Variants in FAM241A observed in about 807,000 individuals in gnomAD.
The protein encoded by FAM241A is uncharacterized protein FAM241A.
FAM241A carries 7 observed loss-of-function variants against 12.2 expected under a neutral mutation model. The ratio of observed to expected loss-of-function variants is 0.58; its 90% CI spans 0.33 to 1.08. FAM241A has a LOEUF of 1.08. FAM241A is among the 50% of genes least tolerant of loss of function. The pLI is 0.04. For missense variants in FAM241A, 161 were observed against 169.7 expected, an observed-to-expected ratio of 0.95 and a Z score of 0.29; for synonymous variants, 74 against 68.2, an observed-to-expected ratio of 1.08 and a Z score of -0.42.
In FAM241A at chr4:112,187,018, C is replaced by T. The variant is rs1578381274; in HGVS notation, c.*80C>T. 2.9e-5 allele frequency: 44 copies of T among 1,500,646 alleles called. No individual in the cohort carries two copies. In the East Asian group the frequency reaches 9.8e-4, roughly 33 times the overall value. 93.0% of individuals were successfully genotyped at this position (1,500,646 alleles called of 1,614,324 possible). ...AGTTATATATTTCACTTTTTGACAACCGAAAAAGTTTGCCTTGTTTCAAAT... is the reference window on the plus strand; with the variant it reads ...AGTTATATATTTCACTTTTTGACAATCGAAAAAGTTTGCCTTGTTTCAAAT... On this transcript the variant is annotated 3_prime_UTR_variant, in exon 2 of 2. Transcript: ENST00000309733.
chr4:112,192,557 T>C lies in FAM241A; in HGVS notation c.*5619T>C, dbSNP rs1207188054. 6.8e-6 allele frequency: 1 copy of C among 147,000 alleles called. No homozygotes were observed. Among genetic ancestry groups the C allele is most frequent in the Non-Finnish European group, 1.5e-5 (1 of 67,032 alleles). The allele number at this position is 147,000 out of a possible 1,614,324, so 9.1% of individuals were successfully genotyped here. A position where few individuals can be genotyped will look rare whatever the true frequency, so the allele number is the denominator to read the frequency against. On this transcript the variant is annotated 3_prime_UTR_variant, in exon 2 of 2. Coordinates refer to ENST00000309733, the MANE Select transcript of FAM241A (RefSeq NM_152400.3). The stretch of plus-strand genomic sequence containing the variant: ...TTCCCCTTCCTGTGTCCATGTGTTC[T>C]CATTGTTCAATTCCCATCTATGAGT...
intron 1 of FAM241A, among the ~76,000 whole-genome samples, chr4:112,148,445 C>T (rs2110418070): frequency 6.6e-6 from 1 of 152,176 alleles, no homozygotes; most frequent in African/African-American, 2.4e-5. Flanking sequence ...TCTTTAGATG[C>T]TACTCCATTT....
intron 1 of FAM241A, among the ~76,000 whole-genome samples, chr4:112,151,380 C>T (rs1048634004): frequency 6.6e-6 from 1 of 152,152 alleles, no homozygotes; most frequent in Non-Finnish European, 1.5e-5. Context: ...GCCTGCAGAA[C>T]CATGAGCCAA....
chr4:112,150,990 G>A (rs1723236116), intron 1 of FAM241A, among the ~76,000 whole-genome samples: 2 of 152,180 alleles, frequency 1.3e-5, no homozygotes, highest in African/African-American at 4.8e-5. Flanking sequence ...AAGTTTTCCA[G>A]CCTCTGCAAT....
rs375225330 is a variant in FAM241A at position 112,189,699 on chromosome 4, A to G, written c.*2761A>G. 6.6e-6 allele frequency: 1 copy of G among 152,210 alleles called. No individual in the cohort carries two copies. The highest frequency in any genetic ancestry group is 1.9e-4 in the East Asian group (1 of 5,196). The allele number at this position is 152,210 out of a possible 1,614,324, so 9.4% of individuals were successfully genotyped here. The stretch of plus-strand genomic sequence containing the variant: ...GCTACAGGCAGATCATTCCTAGTCC[A>G]GTAGTGTGCTGGAGCAAGCTTGCAC... On this transcript the variant is annotated 3_prime_UTR_variant, in exon 2 of 2. Coordinates refer to ENST00000309733, the MANE Select transcript of FAM241A (RefSeq NM_152400.3).
In FAM241A at chr4:112,145,471, C is replaced by A; in HGVS notation, c.-110C>A. On this transcript the variant is annotated 5_prime_UTR_variant, in exon 1 of 2. Transcript: ENST00000309733. The stretch of plus-strand genomic sequence containing the variant: ...CGGGGCGCGCTCCGGCGGCTCCTGT[C>A]AGCGGCGGGTGCGGCGGATCCCAGG... 1 of 1,098,142 alleles carries A rather than the reference C, an allele frequency of 9.1e-7. No homozygotes were observed. The highest frequency in any genetic ancestry group is 1.1e-6 in the Non-Finnish European group (1 of 877,890). 68.0% of individuals were successfully genotyped at this position (1,098,142 alleles called of 1,614,324 possible).
intron 1 of FAM241A, among the ~76,000 whole-genome samples, chr4:112,185,758 G>C (rs1017735877): frequency 6.6e-6 from 1 of 152,180 alleles, no homozygotes; most frequent in Admixed American, 6.5e-5. Context: ...AAGGCACATT[G>C]AGATTGGTTC....
chr4:112,179,875 C>A (rs1723893533), intron 1 of FAM241A, among the ~76,000 whole-genome samples: 1 of 139,042 alleles, frequency 7.2e-6, no homozygotes, highest in Non-Finnish European at 1.5e-5. Context: ...CAGAATCAAC[C>A]TAGGTGCCCA....
At chr4:112,159,773 A>G (rs541507168) in intron 1 of FAM241A, among the ~76,000 whole-genome samples, 1 of 152,310 alleles carries the variant, frequency 6.6e-6, no homozygotes, top group Admixed American at 6.5e-5. Flanking sequence ...GAAAGAAAAT[A>G]TCTCAACATA....
chr4:112,191,902 G>T lies in FAM241A; in HGVS notation c.*4964G>T, dbSNP rs1724172686. On this transcript the variant is annotated 3_prime_UTR_variant, in exon 2 of 2. Transcript: ENST00000309733. ...AGAACATGTCTGTCATTCTATAATTGCATTGCTAGTGCCTAACACAATGCC... is the reference window on the plus strand; with the variant it reads ...AGAACATGTCTGTCATTCTATAATTTCATTGCTAGTGCCTAACACAATGCC... 6.6e-6 allele frequency: 1 copy of T among 152,104 alleles called. No homozygotes were observed. Among genetic ancestry groups the T allele is most frequent in the Non-Finnish European group, 1.5e-5 (1 of 68,028 alleles). 9.4% of individuals were successfully genotyped at this position (152,104 alleles called of 1,614,324 possible).
chr4:112,184,599 G>C (rs1724003617), intron 1 of FAM241A, among the ~76,000 whole-genome samples: 1 of 152,066 alleles, frequency 6.6e-6, no homozygotes, highest in African/African-American at 2.4e-5. Flanking sequence ...ACTCAACAAA[G>C]ATGCCCCAGT....
chr4:112,167,128 T>TA (rs761865055), intron 1 of FAM241A, among the ~76,000 whole-genome samples: 1 of 148,898 alleles, frequency 6.7e-6, no homozygotes, highest in African/African-American at 2.5e-5. Flanking sequence ...AAAAAAAAAA[T>TA]AAAAATAAAA....
At chr4:112,182,086 A>G (rs1421343458) in intron 1 of FAM241A, among the ~76,000 whole-genome samples, 1 of 152,136 alleles carries the variant, frequency 6.6e-6, no homozygotes, top group East Asian at 1.9e-4. Context: ...AGGTAAAACA[A>G]AGAGAATATG....
intron 1 of FAM241A, among the ~76,000 whole-genome samples, chr4:112,157,252 C>G (rs1357182797): frequency 6.6e-6 from 1 of 152,062 alleles, no homozygotes; most frequent in Non-Finnish European, 1.5e-5. Context: ...TTTCCACAGG[C>G]AGAGAGAGGG....
In FAM241A at chr4:112,145,623, G is replaced by T; in HGVS notation, c.43G>T (p.Glu15Ter). 1 of 1,229,888 alleles carries T rather than the reference G, an allele frequency of 8.1e-7. No homozygotes were observed. Among genetic ancestry groups the T allele is most frequent in the Non-Finnish European group, 1.0e-6 (1 of 985,658 alleles). 76.2% of individuals were successfully genotyped at this position (1,229,888 alleles called of 1,614,324 possible). A position where few individuals can be genotyped will look rare whatever the true frequency, so the allele number is the denominator to read the frequency against. ...GCTGCTGCGGGGCGGCGACGGCGGGGAACGCGACGAGGACGGGGACGCGCT... is the reference window on the plus strand; with the variant it reads ...GCTGCTGCGGGGCGGCGACGGCGGGTAACGCGACGAGGACGGGGACGCGCT... Reference protein sequence around the residue: ...GELLRGGDGGERDEDGDALAE... With the variant: ...GELLRGGDGG Residue 15 changes from glutamate to a stop codon, truncating the protein, a stop_gained, in exon 1 of 2, where the codon GAA becomes TAA. Transcript: ENST00000309733. LOFTEE classifies it high-confidence loss of function.
chr4:112,179,914 G>GATATAGAT (rs1553921419), intron 1 of FAM241A, among the ~76,000 whole-genome samples: 7 of 117,770 alleles, frequency 5.9e-5, no homozygotes, highest in African/African-American at 1.4e-4. Flanking sequence ...AAGAAAATGT[G>GATATAGAT]ATATATATAT....
intron 1 of FAM241A, among the ~76,000 whole-genome samples, chr4:112,174,927 TG>T (rs1432983189): frequency 2.0e-5 from 3 of 152,252 alleles, no homozygotes; most frequent in African/African-American, 7.2e-5. Flanking sequence ...CTGTCATCCC[TG>T]GCAGTCTGAA....
Position 112,186,966 on chromosome 4 carries a change from T to C in FAM241A, c.*28T>C, listed in dbSNP as rs1353631627. On this transcript the variant is annotated 3_prime_UTR_variant, in exon 2 of 2. Coordinates refer to ENST00000309733, the MANE Select transcript of FAM241A (RefSeq NM_152400.3). ...CATGGCCGAATTGAATTGTTTGACATTTGGTAGCCATATATGTAATTGAAG... is the reference window on the plus strand; with the variant it reads ...CATGGCCGAATTGAATTGTTTGACACTTGGTAGCCATATATGTAATTGAAG... 2 of 1,601,996 alleles carry C rather than the reference T, an allele frequency of 1.2e-6. No individual in the cohort carries two copies. The highest frequency in any genetic ancestry group is 1.7e-6 in the Non-Finnish European group (2 of 1,172,878).
At chr4:112,168,525 CTT>C (rs1723647347) in intron 1 of FAM241A, among the ~76,000 whole-genome samples, 1 of 152,134 alleles carries the variant, frequency 6.6e-6, no homozygotes, top group Admixed American at 6.5e-5. Flanking sequence ...ATTTTCATAA[CTT>C]TTTGAAAAAT....
Sources: allele counts gnomAD v4.1 joint callset (sites outside exome capture counted in the v4.1 genomes callset), GRCh38; gene constraint gnomAD v4.1.1; transcripts MANE v1.5; gene names NCBI Gene and HGNC (gene_info 2026-07-23, HGNC 2026-07-21).